The following BCL11B variants were observed in gnomAD, a reference collection of about 807,000 sequenced individuals.
The protein encoded by BCL11B is BCL11 transcription factor B.
BCL11B carries 8 observed loss-of-function variants against 49.9 expected under a neutral mutation model. That is an observed-to-expected ratio of 0.16 (90% CI 0.09 to 0.29). The LOEUF is 0.29. BCL11B is among the 10% of genes least tolerant of loss of function. The pLI is 1.00. For missense variants in BCL11B, 1,006 were observed against 1,351.0 expected, an observed-to-expected ratio of 0.74 and a Z score of 4.00; for synonymous variants, 739 against 637.4, an observed-to-expected ratio of 1.16 and a Z score of -2.40.
rs141734257 is a variant in BCL11B, at chr14:99,247,036, C to A, written c.427+10435G>T. ...CCTGGAGCCTCGCGTCCCGCCTCCC[C>A]GCAACACGCTGTTTTCAGCGTTCCA... On this transcript the variant is annotated intron_variant, in intron 2 of 3. Coordinates refer to ENST00000357195, the MANE Select transcript of BCL11B (RefSeq NM_138576.4). This position sits in a 1 kb window ranked among gnomAD's most constrained non-coding sequence, Gnocchi z 4.5. Among the ~76,000 whole-genome samples the A allele has an allele frequency of 3.4e-4, 52 of 152,234 alleles. No individual in the cohort carries two copies. The highest frequency in any genetic ancestry group is 6.5e-4 in the Non-Finnish European group (44 of 67,992).
chr14:99,227,871 C>T (rs1321076743), intron 3 of BCL11B, among the ~76,000 whole-genome samples: 1 of 152,006 alleles, frequency 6.6e-6, no homozygotes, highest in African/African-American at 2.4e-5. Context: ...GACTCAAAGC[C>T]CCACCTTCCT....
At chr14:99,220,160 G>A (rs972531178) in intron 3 of BCL11B, among the ~76,000 whole-genome samples, 7 of 152,184 alleles carry the variant, frequency 4.6e-5, no homozygotes, top group Admixed American at 2.6e-4. Flanking sequence ...GTAAAACAGC[G>A]TAGCCACTAT....
At chr14:99,182,058 T>C (rs368080635) in intron 3 of BCL11B, among the ~76,000 whole-genome samples, 1 of 152,234 alleles carries the variant, frequency 6.6e-6, no homozygotes, top group Non-Finnish European at 1.5e-5. Flanking sequence ...TTCGTGTCTA[T>C]ATCATTCTGG....
At chr14:99,199,685 C>CGCGCGT (rs1555378689) in intron 3 of BCL11B, among the ~76,000 whole-genome samples, 71 of 58,930 alleles carry the variant, frequency 1.2e-3, no homozygotes, top group African/African-American at 2.2e-3. Flanking sequence ...TGTGTGTGTG[C>CGCGCGT]GCGCGCGCGC....
At chr14:99,239,941 G>A (rs1042342311) in intron 2 of BCL11B, among the ~76,000 whole-genome samples, 7 of 152,192 alleles carry the variant, frequency 4.6e-5, no homozygotes, top group Admixed American at 3.3e-4. Context: ...AAAGAAAACG[G>A]AGTGCCCAGC....
At position 99,195,735 on chromosome 14, in the gene BCL11B, C is replaced by A. The variant is rs1243768084; in HGVS notation, c.641-19540G>T. 6.6e-6 allele frequency among the ~76,000 whole-genome samples: 1 copy of A among 152,130 alleles called. No individual in the cohort carries two copies. Among genetic ancestry groups the A allele is most frequent in the Non-Finnish European group, 1.5e-5 (1 of 68,026 alleles). On this transcript the variant is annotated intron_variant, in intron 3 of 3. Coordinates refer to ENST00000357195, the MANE Select transcript of BCL11B (RefSeq NM_138576.4). The surrounding 1 kb of genome is among the most constrained non-coding windows in gnomAD (Gnocchi z 4.7). The stretch of plus-strand genomic sequence containing the variant: ...GCACCCCACCCCCAAGGATAACAGG[C>A]CCCTACAGAGTGGGAGCCTCGTCCC...
chr14:99,206,426 T>C (rs1887535198), intron 3 of BCL11B, among the ~76,000 whole-genome samples: 2 of 152,186 alleles, frequency 1.3e-5, no homozygotes, highest in South Asian at 4.1e-4. Context: ...ATTCCAGAAA[T>C]AAACAATTCA....
intron 1 of BCL11B, among the ~76,000 whole-genome samples, chr14:99,266,264 T>C (rs567164554): frequency 1.3e-5 from 2 of 152,266 alleles, no homozygotes; most frequent in Admixed American, 6.5e-5. Flanking sequence ...ATCAAGCTGT[T>C]TTAGGTACAC....
chr14:99,250,505 G>C (rs1469254409), intron 2 of BCL11B, among the ~76,000 whole-genome samples: 3 of 152,192 alleles, frequency 2.0e-5, no homozygotes, highest in East Asian at 3.9e-4. Flanking sequence ...TGACCCCAAA[G>C]GCACAGGGTG....
intron 3 of BCL11B, among the ~76,000 whole-genome samples, chr14:99,183,592 C>T (rs1886771333): frequency 6.6e-6 from 1 of 152,136 alleles, no homozygotes; most frequent in South Asian, 2.1e-4. Context: ...CTCATCCACA[C>T]AGGGAAAACA....
intron 3 of BCL11B, among the ~76,000 whole-genome samples, chr14:99,198,763 T>C (rs1887254622): frequency 6.6e-6 from 1 of 152,136 alleles, no homozygotes; most frequent in African/African-American, 2.4e-5. Flanking sequence ...GGGCTAATCC[T>C]AAGACACAAG....
intron 3 of BCL11B, among the ~76,000 whole-genome samples, chr14:99,201,670 A>G (rs1887388538): frequency 6.6e-6 from 1 of 152,154 alleles, no homozygotes. Context: ...CCCCTGGCAC[A>G]TCCCAGAAGT....
chr14:99,218,456 G>T (rs536294958), intron 3 of BCL11B, among the ~76,000 whole-genome samples: 5 of 152,080 alleles, frequency 3.3e-5, no homozygotes, highest in African/African-American at 7.2e-5. Flanking sequence ...AGAGCTGGGG[G>T]CCACATGTGA....
In BCL11B at chr14:99,172,845, GA is replaced by G. The variant is rs113101567; in HGVS notation, c.*1305del. 7,615 of 214,668 alleles carry G rather than the reference GA, an allele frequency of 0.035. 551 individuals carry two copies. The highest frequency in any genetic ancestry group is 0.15 in the African/African-American group (6,659 of 43,750). 13.3% of individuals were successfully genotyped at this position (214,668 alleles called of 1,614,324 possible). A position where few individuals can be genotyped will look rare whatever the true frequency, so the allele number is the denominator to read the frequency against. On this transcript the variant is annotated 3_prime_UTR_variant, in exon 4 of 4. Transcript: ENST00000357195. ...AGTACCTTCCAACCTAATGAGATAG[GA>G]AAAAAAAAATAAAAACCTGGGAAGT...
rs1257375277 is a variant in BCL11B at position 99,257,691 on chromosome 14, G to A, written c.207C>T (p.Asp69=). Residue 69 remains aspartate (D), a synonymous_variant, in exon 2 of 4, where the codon GAC becomes GAT. Coordinates refer to ENST00000357195, the MANE Select transcript of BCL11B (RefSeq NM_138576.4). This position sits in a 1 kb window ranked among gnomAD's most constrained non-coding sequence, Gnocchi z 6.2. ...TTTTGTGCTCTATAAAAACCAGGAT[G>A]TCCCCCAAGGGGAAGTTCATTTGAC... The part of the protein sequence containing the change: ...GQCQMNFPLG[D]ILVFIEHKRK... The A allele has an allele frequency of 6.2e-7, 1 of 1,612,266 alleles. No individual in the cohort carries two copies. The highest frequency in any genetic ancestry group is 8.5e-7 in the Non-Finnish European group (1 of 1,178,814).
In BCL11B at chr14:99,231,554, G is replaced by A. The variant is rs1457974153; in HGVS notation, c.431C>T (p.Pro144Leu). 2.5e-6 allele frequency: 4 copies of A among 1,570,010 alleles called. No homozygotes were observed. The highest frequency in any genetic ancestry group is 3.5e-6 in the Non-Finnish European group (4 of 1,157,174). ...ICPKQENIAGPCRPAQLPAVA... is the reference protein window; with the variant it reads ...ICPKQENIAGLCRPAQLPAVA... ...CGCTGGCAGCTGGGCAGGCCTGCAC[G>A]GCCCTGGAGAAAAAACAATAGAAAA... The change falls in exon 3 of 4, where the codon CCG (proline) becomes CTG (leucine). Residue 144 changes from proline to leucine, a missense_variant. Coordinates refer to ENST00000357195, the MANE Select transcript of BCL11B (RefSeq NM_138576.4). This position sits in a 1 kb window ranked among gnomAD's most constrained non-coding sequence, Gnocchi z 8.1.
At position 99,174,781 on chromosome 14, in the gene BCL11B, G is replaced by C. The variant is rs1886419019; in HGVS notation, c.2055C>G (p.Ala685=). Residue 685 remains alanine, a synonymous_variant, in exon 4 of 4, where the codon GCC becomes GCG. Transcript: ENST00000357195. ...GGTCCTTCTCCACCTTGATGCGCTT[G>C]GCGGCGCTGTTGAGCCCGGGGCTGG... is the stretch of plus-strand genomic sequence containing the variant. ...PLPSPGLNSA[A]KRIKVEKDLE... The C allele has an allele frequency of 1.4e-6, 2 of 1,464,734 alleles. No homozygotes were observed. The highest frequency in any genetic ancestry group is 1.8e-6 in the Non-Finnish European group (2 of 1,108,626). The allele number at this position is 1,464,734 out of a possible 1,614,324, so 90.7% of individuals were successfully genotyped here. A position where few individuals can be genotyped will look rare whatever the true frequency, so the allele number is the denominator to read the frequency against.
chr14:99,199,683 T>TGTGTGCGC (rs759599743), intron 3 of BCL11B, among the ~76,000 whole-genome samples: 72 of 73,716 alleles, frequency 9.8e-4, no homozygotes, highest in South Asian at 2.8e-3. Context: ...TGTGTGTGTG[T>TGTGTGCGC]GCGCGCGCGC....
At position 99,271,281 on chromosome 14, in the gene BCL11B, G is replaced by C; in HGVS notation, c.-63C>G. On this transcript the variant is annotated 5_prime_UTR_variant, in exon 1 of 4. Coordinates refer to ENST00000357195, the MANE Select transcript of BCL11B (RefSeq NM_138576.4). ...CACTGATGGGGGGAGCCGGGGGAGG[G>C]GGTCCGAGCCGCCGCCGCGCCGCTG... is the stretch of plus-strand genomic sequence containing the variant. The C allele has an allele frequency of 8.2e-7, 1 of 1,218,258 alleles. No individual in the cohort carries two copies. Among genetic ancestry groups the C allele is most frequent in the South Asian group, 3.5e-5 (1 of 28,562 alleles). The allele number at this position is 1,218,258 out of a possible 1,614,324, so 75.5% of individuals were successfully genotyped here.
Sources: allele counts gnomAD v4.1 joint callset (sites outside exome capture counted in the v4.1 genomes callset), GRCh38; gene constraint gnomAD v4.1.1; non-coding constraint Gnocchi (gnomAD v3.1); transcripts MANE v1.5; gene names NCBI Gene and HGNC (gene_info 2026-07-23, HGNC 2026-07-21).